Variants in ARMC10 observed in about 807,000 individuals in gnomAD.
The protein encoded by ARMC10 is armadillo repeat containing 10.
A neutral mutation model predicts 30.2 loss-of-function variants in ARMC10; 23 were observed. That is an observed-to-expected ratio of 0.76 (90% confidence interval 0.55 to 1.08). ARMC10 has a LOEUF of 1.08. Among genes scored for constraint, ARMC10 ranks in the 50% least tolerant of loss-of-function variants. ARMC10 has a pLI of 0.00. For synonymous variants in ARMC10, 111 were observed against 164.4 expected, an observed-to-expected ratio of 0.68 and a Z score of 2.48; for missense variants, 303 against 413.7, an observed-to-expected ratio of 0.73 and a Z score of 2.32.
At chr7:103,092,854 C>T (rs545305018) in intron 5 of ARMC10, among the ~76,000 whole-genome samples, 2 of 152,286 alleles carry the variant, frequency 1.3e-5, no homozygotes, top group African/African-American at 4.8e-5. Context: ...CAACAGATTC[C>T]TGTTCATTTG....
chr7:103,084,155 A>T (rs1057270620), intron 3 of ARMC10: 5 of 655,142 alleles, frequency 7.6e-6, no homozygotes, highest in Middle Eastern at 3.0e-4. Flanking sequence ...TGCATCTAAC[A>T]TTTAAGTACA....
intron 2 of ARMC10, among the ~76,000 whole-genome samples, chr7:103,082,355 T>G (rs1378576544): frequency 6.6e-6 from 1 of 151,808 alleles, no homozygotes; most frequent in Non-Finnish European, 1.5e-5. Flanking sequence ...GATTCTTCTT[T>G]GAGCAATATA....
intron 3 of ARMC10, 160 bp downstream of exon 3, chr7:103,083,990 A>T: frequency 1.3e-6 from 2 of 1,489,244 alleles, no homozygotes; most frequent in Non-Finnish European, 1.8e-6. Flanking sequence ...CTTCTGAAAA[A>T]CACAGCCTAA....
Position 103,086,586 on chromosome 7 carries a change from A to G in ARMC10, c.394-44A>G, listed in dbSNP as rs755814530. 2.6e-6 allele frequency: 4 copies of G among 1,562,922 alleles called. No homozygotes were observed. The South Asian group carries it at 4.9e-5, about 19-fold the overall frequency. On this transcript the variant is annotated intron_variant, in intron 3 of 6. Transcript: ENST00000323716. ...AAGAATTCAGTGAACGGAGATGCAT[A>G]CTGAAGTCCCAGTCCTGCTTTTTTT... is the stretch of plus-strand genomic sequence containing the variant.
chr7:103,086,803 A>G, intron 4 of ARMC10, 39 bp downstream of exon 4: 3 of 1,583,780 alleles, frequency 1.9e-6, no homozygotes, highest in South Asian at 1.2e-5. Flanking sequence ...AAGGTTTTCT[A>G]TAAATAAAAA....
chr7:103,076,088 C>T (rs907148125), intron 2 of ARMC10, among the ~76,000 whole-genome samples: 5 of 152,314 alleles, frequency 3.3e-5, no homozygotes, highest in East Asian at 1.9e-4. Flanking sequence ...TAGAAGAGAG[C>T]TAAACAGCTT....
At chr7:103,090,023 C>T (rs1490303283) in intron 4 of ARMC10, among the ~76,000 whole-genome samples, 1 of 152,054 alleles carries the variant, frequency 6.6e-6, no homozygotes, top group Non-Finnish European at 1.5e-5. Context: ...GAGATTTCAT[C>T]CAAAAGTTTC....
At chr7:103,082,030 A>T (rs1585734720) in intron 2 of ARMC10, 1 of 386,240 alleles carries the variant, frequency 2.6e-6, no homozygotes, top group East Asian at 7.2e-5. Context: ...GTAAAATAAG[A>T]GGTTTGGATG....
At chr7:103,076,480 C>A (rs1260690064) in intron 2 of ARMC10, among the ~76,000 whole-genome samples, 1 of 152,192 alleles carries the variant, frequency 6.6e-6, no homozygotes, top group Non-Finnish European at 1.5e-5. Context: ...ACAGTAGGCT[C>A]CAAAGCTTTT....
At chr7:103,082,731 A>AC (rs1291554860) in intron 2 of ARMC10, among the ~76,000 whole-genome samples, 1 of 150,394 alleles carries the variant, frequency 6.6e-6, no homozygotes, top group Non-Finnish European at 1.5e-5. Context: ...TCCCCCCACC[A>AC]CCCCAGTAAG....
rs1801965647 is a variant in ARMC10 at position 103,098,384 on chromosome 7, A to G, written c.863A>G (p.Lys288Arg). 1 of 1,614,062 alleles carries G rather than the reference A, an allele frequency of 6.2e-7. No individual in the cohort carries two copies. Among genetic ancestry groups the G allele is most frequent in the East Asian group, 2.2e-5 (1 of 44,852 alleles). Residue 288 changes from lysine (K) to arginine (R), a missense_variant, in exon 7 of 7, where the codon AAG becomes AGG. Physicochemically the swap from Lys to Arg is conservative, Grantham distance 26. Coordinates refer to ENST00000323716, the MANE Select transcript of ARMC10 (RefSeq NM_031905.5). Reference sequence around the variant, plus strand: ...GTACTTACGCTATTTCAGAATATAAAGAACTGCCTCAAAATAGAAGGCCAT... The same window carrying G: ...GTACTTACGCTATTTCAGAATATAAGGAACTGCCTCAAAATAGAAGGCCAT... ...LRVLTLFQNI[K>R]NCLKIEGHLA...
At chr7:103,094,762 T>G (rs369776249) in intron 5 of ARMC10, among the ~76,000 whole-genome samples, 35 of 152,274 alleles carry the variant, frequency 2.3e-4, no homozygotes, top group African/African-American at 7.0e-4. Flanking sequence ...GAAGTCTCCT[T>G]TACTCTTTCA....
At chr7:103,084,141 T>C in intron 3 of ARMC10, 2 of 810,218 alleles carry the variant, frequency 2.5e-6, no homozygotes, top group Non-Finnish European at 3.5e-6. Flanking sequence ...AGTAAAACAA[T>C]GAATGCATCT....
At chr7:103,076,471 C>T (rs375359461) in intron 2 of ARMC10, among the ~76,000 whole-genome samples, 1 of 152,196 alleles carries the variant, frequency 6.6e-6, no homozygotes, top group African/African-American at 2.4e-5. Context: ...CGCTTTCGAA[C>T]AGTAGGCTCC....
At chr7:103,082,987 C>T (rs1800524036) in intron 2 of ARMC10, 1 of 448,546 alleles carries the variant, frequency 2.2e-6, no homozygotes, top group African/African-American at 2.0e-5. Context: ...GGTTTACTCT[C>T]ATAGCTTTCC....
intron 3 of ARMC10, 102 bp from the exon 4 acceptor site, chr7:103,086,528 A>C (rs1229604518): frequency 3.9e-6 from 5 of 1,286,600 alleles, no homozygotes; most frequent in Middle Eastern, 5.4e-4. Flanking sequence ...ATTTCCAAAA[A>C]GCCGTTGATT....
At chr7:103,094,693 T>C (rs6966872) in intron 5 of ARMC10, among the ~76,000 whole-genome samples, 133,428 of 150,774 alleles carry the variant, frequency 0.88, 61,168 homozygotes, top group East Asian at 1. Flanking sequence ...TTGCTGATAG[T>C]CAGTCAGGCC....
intron 2 of ARMC10, among the ~76,000 whole-genome samples, chr7:103,079,695 A>G (rs1173263048): frequency 1.3e-5 from 2 of 152,262 alleles, no homozygotes; most frequent in Admixed American, 1.3e-4. Context: ...GAGTACAAGT[A>G]AATATACCCA....
intron 5 of ARMC10, among the ~76,000 whole-genome samples, chr7:103,093,801 A>C (rs1002282084): frequency 6.6e-6 from 1 of 152,228 alleles, no homozygotes; most frequent in Non-Finnish European, 1.5e-5. Context: ...CAGCCAGGCA[A>C]GTCTGGCCTT....
Sources: gnomAD v4.1 joint callset for allele counts (sites outside exome capture counted in the v4.1 genomes callset) on GRCh38, gnomAD v4.1.1 for gene constraint, MANE v1.5 for transcripts, NCBI Gene and HGNC (gene_info 2026-07-23, HGNC 2026-07-21) for gene names.